SOS2: variants seen among roughly 807,000 people sequenced by gnomAD.
SOS2 encodes the protein son of sevenless homolog 2.
SOS2 carries 65 observed loss-of-function variants against 148.2 expected under a neutral mutation model. The observed-to-expected ratio is 0.44, with a 90% confidence interval of 0.36 to 0.54. SOS2 has a LOEUF of 0.54. Among genes scored for constraint, SOS2 ranks in the 20% least tolerant of loss-of-function variants. The pLI is 0.00. For missense variants in SOS2, 1,341 were observed against 1,590.2 expected, an observed-to-expected ratio of 0.84 and a Z score of 2.67; for synonymous variants, 539 against 537.1, an observed-to-expected ratio of 1.00 and a Z score of -0.05.
chr14:50,174,256 A>G (rs1885456703), intron 8 of SOS2, among the ~76,000 whole-genome samples, 198 bp downstream of exon 8: 1 of 152,198 alleles, frequency 6.6e-6, no homozygotes, highest in Non-Finnish European at 1.5e-5. Context: ...ACTGCACAGA[A>G]AAAAATATTA....
chr14:50,180,285 T>A (rs971673668), intron 7 of SOS2, among the ~76,000 whole-genome samples: 5 of 148,868 alleles, frequency 3.4e-5, no homozygotes, highest in Non-Finnish European at 7.4e-5. Context: ...ATTCTAGGCA[T>A]GAGTCACTGC....
chr14:50,190,809 T>A (rs996706854), intron 4 of SOS2, among the ~76,000 whole-genome samples: 5 of 152,128 alleles, frequency 3.3e-5, no homozygotes, highest in African/African-American at 7.2e-5. Context: ...CACCTTCTTG[T>A]CATTGGAGAC....
In SOS2 at chr14:50,118,695, A is replaced by T. The variant is rs748910672; in HGVS notation, c.3648T>A (p.Pro1216=). 6.2e-7 allele frequency: 1 copy of T among 1,613,534 alleles called. No homozygotes were observed. The highest frequency in any genetic ancestry group is 8.5e-7 in the Non-Finnish European group (1 of 1,179,882). ...PPPRDPLPDT[P]PPVPLRPPEH... Reference sequence around the variant, plus strand: ...CTGGAGGCCGAAGGGGAACTGGTGGAGGGGTATCAGGAAGAGGATCTCTTG... The same window carrying T: ...CTGGAGGCCGAAGGGGAACTGGTGGTGGGGTATCAGGAAGAGGATCTCTTG... The change falls in exon 23 of 23, where the codon CCT becomes CCA. Residue 1216 remains proline (P), a synonymous_variant. Transcript: ENST00000216373.
At chr14:50,158,084 A>G (rs1402406846) in intron 11 of SOS2, among the ~76,000 whole-genome samples, 1 of 152,122 alleles carries the variant, frequency 6.6e-6, no homozygotes, top group East Asian at 1.9e-4. Flanking sequence ...AGGGAAACAG[A>G]TGAAACAATG....
In SOS2 at chr14:50,118,206, A is replaced by G. The variant is rs1883356207; in HGVS notation, c.*138T>C. On this transcript the variant is annotated 3_prime_UTR_variant, in exon 23 of 23. Transcript: ENST00000216373. The stretch of plus-strand genomic sequence containing the variant: ...TGTATTTTTATTTTTCCAATTCTTA[A>G]AAGCTTATTTGATCAGTAGCATTTT... 1.9e-5 allele frequency: 14 copies of G among 728,934 alleles called. No individual in the cohort carries two copies. The South Asian group carries it at 2.7e-4, about 14-fold the overall frequency. The allele number at this position is 728,934 out of a possible 1,614,324, so 45.2% of individuals were successfully genotyped here.
intron 1 of SOS2, among the ~76,000 whole-genome samples, chr14:50,206,598 T>C (rs1886665933): frequency 6.6e-6 from 1 of 152,218 alleles, no homozygotes; most frequent in African/African-American, 2.4e-5. Flanking sequence ...CCAAATACTG[T>C]TGATCTGAGG....
At chr14:50,140,452 G>C (rs1884233396) in intron 16 of SOS2, among the ~76,000 whole-genome samples, 2 of 152,160 alleles carry the variant, frequency 1.3e-5, no homozygotes, top group Non-Finnish European at 2.9e-5. Context: ...ACAACTATCA[G>C]AAGACAAGAA....
At chr14:50,204,876 C>A (rs548002166) in intron 1 of SOS2, among the ~76,000 whole-genome samples, 35 of 144,074 alleles carry the variant, frequency 2.4e-4, no homozygotes, top group African/African-American at 8.8e-4. Flanking sequence ...ATGCTAAGCA[C>A]CCCACCTTTT....
chr14:50,118,692 T>TGGA lies in SOS2; in HGVS notation c.3648_3650dup (p.Pro1218dup). ...GTTCTGGAGGCCGAAGGGGAACTGG[T>TGGA]GGAGGGGTATCAGGAAGAGGATCTC... is the stretch of plus-strand genomic sequence containing the variant. On this transcript the variant is annotated inframe_insertion, in exon 23 of 23. Coordinates refer to ENST00000216373, the MANE Select transcript of SOS2 (RefSeq NM_006939.4). The TGGA allele has an allele frequency of 6.2e-7, 1 of 1,613,196 alleles. No homozygotes were observed. The highest frequency in any genetic ancestry group is 8.5e-7 in the Non-Finnish European group (1 of 1,179,772).
At chr14:50,147,306 A>G (rs1480348048) in intron 14 of SOS2, among the ~76,000 whole-genome samples, 2 of 151,974 alleles carry the variant, frequency 1.3e-5, no homozygotes, top group Non-Finnish European at 2.9e-5. Context: ...GGCCAAGATC[A>G]AGACCATCCT....
At chr14:50,196,048 C>T (rs1281490252) in intron 4 of SOS2, among the ~76,000 whole-genome samples, 3 of 151,850 alleles carry the variant, frequency 2.0e-5, no homozygotes, top group Admixed American at 6.6e-5. Context: ...AAAACAAAAA[C>T]AAAAAACAAA....
At chr14:50,168,256 C>G (rs941272497) in intron 8 of SOS2, among the ~76,000 whole-genome samples, 9 of 152,172 alleles carry the variant, frequency 5.9e-5, no homozygotes, top group Non-Finnish European at 4.4e-5. Context: ...AGGTCTTGCT[C>G]TCTTGCCCAG....
intron 14 of SOS2, among the ~76,000 whole-genome samples, chr14:50,147,129 G>A (rs2139584077): frequency 6.6e-6 from 1 of 151,778 alleles, no homozygotes; most frequent in Non-Finnish European, 1.5e-5. Context: ...CCTAGAGTCT[G>A]GGGCTGCAAT....
chr14:50,133,249 C>CTTTT (rs1175960937), intron 19 of SOS2, among the ~76,000 whole-genome samples: 76 of 105,544 alleles, frequency 7.2e-4, no homozygotes, highest in African/African-American at 2.6e-3. Context: ...TTTCTTTTTT[C>CTTTT]TTTTTTTTTT....
chr14:50,143,351 A>G (rs1400011503), intron 16 of SOS2, among the ~76,000 whole-genome samples: 1 of 151,360 alleles, frequency 6.6e-6, no homozygotes, highest in Admixed American at 6.6e-5. Flanking sequence ...AAAAAAATCA[A>G]CAAAATGAAA....
intron 11 of SOS2, 61 bp downstream of exon 11, chr14:50,158,504 T>C (rs1370397085): frequency 2.7e-5 from 28 of 1,030,438 alleles, no homozygotes; most frequent in Non-Finnish European, 4.0e-5. Context: ...CTAGGCACTT[T>C]ACAAAATACA....
chr14:50,183,735 A>G (rs1885818673), intron 5 of SOS2, among the ~76,000 whole-genome samples: 1 of 152,188 alleles, frequency 6.6e-6, no homozygotes, highest in African/African-American at 2.4e-5. Flanking sequence ...AAGAGCTGGG[A>G]TGAGAATGAA....
intron 4 of SOS2, among the ~76,000 whole-genome samples, chr14:50,189,850 A>AT (rs67295878): frequency 0.59 from 73,983 of 125,634 alleles, 19,833 homozygotes; most frequent in East Asian, 0.71. Flanking sequence ...TTTATTTTTT[A>AT]TTTTTTTTTT....
At chr14:50,165,232 G>C (rs1264420647) in intron 8 of SOS2, among the ~76,000 whole-genome samples, 1 of 152,064 alleles carries the variant, frequency 6.6e-6, no homozygotes, top group Non-Finnish European at 1.5e-5. Flanking sequence ...CTAATCTATA[G>C]TGTATATTCC....
Sources: gnomAD v4.1 joint callset for allele counts (sites outside exome capture counted in the v4.1 genomes callset) on GRCh38, gnomAD v4.1.1 for gene constraint, MANE v1.5 for transcripts, NCBI Gene and HGNC (gene_info 2026-07-23, HGNC 2026-07-21) for gene names.